RGMA: variants seen among roughly 807,000 people sequenced by gnomAD.
RGMA encodes the protein repulsive guidance molecule A.
Under a neutral mutation model 23.2 loss-of-function variants are expected in RGMA, and 10 were observed. The ratio of observed to expected loss-of-function variants is 0.43; its 90% confidence interval spans 0.27 to 0.73. The LOEUF is 0.73. Ranked by LOEUF, RGMA falls within the 30% of genes least tolerant of loss-of-function variation. The pLI is 0.20. For synonymous variants in RGMA, 308 were observed against 279.3 expected, an observed-to-expected ratio of 1.10 and a Z score of -1.03; for missense variants, 547 against 630.5, an observed-to-expected ratio of 0.87 and a Z score of 1.42.
At position 93,039,639 on chromosome 15, in the gene RGMA, T is replaced by TG. The variant is rs1260481565; in HGVS notation, c.*5358dup. The stretch of plus-strand genomic sequence containing the variant: ...CAACTCCCACTTACGAGTGAGAACA[T>TG]GCGGTGTTTGGTTTTCTGTTCTTGT... On this transcript the variant is annotated 3_prime_UTR_variant, in exon 4 of 4. Transcript: ENST00000329082. 1 of 151,704 alleles carries TG rather than the reference T, an allele frequency of 6.6e-6. No homozygotes were observed. Among genetic ancestry groups the TG allele is most frequent in the East Asian group, 1.9e-4 (1 of 5,146 alleles). 9.4% of individuals were successfully genotyped at this position (151,704 alleles called of 1,614,324 possible).
intron 2 of RGMA, among the ~76,000 whole-genome samples, chr15:93,063,478 C>G (rs1895038206): frequency 6.6e-6 from 1 of 152,224 alleles, no homozygotes; most frequent in South Asian, 2.1e-4. Flanking sequence ...TCGGGAGTCT[C>G]TGAGTTGAGA....
intron 2 of RGMA, chr15:93,066,143 C>G (rs1372448297): frequency 7.4e-7 from 1 of 1,354,380 alleles, no homozygotes; most frequent in South Asian, 1.2e-5. Context: ...GGCACCTCCC[C>G]GGGCCCAGTT....
At chr15:93,074,009 C>T (rs2141842850) in intron 1 of RGMA, 3 of 1,382,162 alleles carry the variant, frequency 2.2e-6, no homozygotes, top group Non-Finnish European at 2.8e-6. Flanking sequence ...AACTCTGTCG[C>T]TTATTTTTCT....
intron 2 of RGMA, chr15:93,065,763 G>T (rs983166702): frequency 2.6e-6 from 3 of 1,145,294 alleles, no homozygotes; most frequent in African/African-American, 1.5e-5. Flanking sequence ...TGGTCTCACC[G>T]TCCCCACCTT....
intron 1 of RGMA, among the ~76,000 whole-genome samples, chr15:93,087,478 A>AAAAAAC (rs1555451828): frequency 4.0e-5 from 6 of 151,126 alleles, no homozygotes; most frequent in Admixed American, 6.6e-5. Flanking sequence ...AAAAAAAAAA[A>AAAAAAC]AAAAAACCAC....
chr15:93,052,351 T>A lies in RGMA; in HGVS notation c.287A>T (p.Asp96Val). ...TRRTARTCRG[D>V]LAYHSAVHGI... Reference sequence around the variant, plus strand: ...ATGGACGGCCGAGTGGTAGGCCAGGTCACCCCGGCAGGTGCGGGCCGTCCG... The same window carrying A: ...ATGGACGGCCGAGTGGTAGGCCAGGACACCCCGGCAGGTGCGGGCCGTCCG... Residue 96 changes from aspartate (D) to valine (V), a missense_variant, in exon 3 of 4, where the codon GAC becomes GTC. Asp to Val is a radical substitution (Grantham distance 152). Transcript: ENST00000329082. 6.2e-7 allele frequency: 1 copy of A among 1,601,474 alleles called. No individual in the cohort carries two copies. The highest frequency in any genetic ancestry group is 8.5e-7 in the Non-Finnish European group (1 of 1,179,418).
rs762850745 is a variant in RGMA at position 93,044,972 on chromosome 15, C to T, written c.*26G>A. On this transcript the variant is annotated 3_prime_UTR_variant, in exon 4 of 4. Transcript: ENST00000329082. ...CATGGGGAAGCCGAGAGGACGGAGC[C>T]CGCGCCTCCCTCCACATCTACGCGT... 2 of 1,556,628 alleles carry T rather than the reference C, an allele frequency of 1.3e-6. No individual in the cohort carries two copies. Among genetic ancestry groups the T allele is most frequent in the Non-Finnish European group, 1.7e-6 (2 of 1,147,054 alleles).
rs1466821852 is a variant in RGMA at position 93,040,783 on chromosome 15, T to C, written c.*4215A>G. The C allele has an allele frequency of 6.6e-6, 1 of 152,134 alleles. No homozygotes were observed. Among genetic ancestry groups the C allele is most frequent in the Non-Finnish European group, 1.5e-5 (1 of 68,064 alleles). 9.4% of individuals were successfully genotyped at this position (152,134 alleles called of 1,614,324 possible). A position where few individuals can be genotyped will look rare whatever the true frequency, so the allele number is the denominator to read the frequency against. ...GCTGGGTAGACACCCAATAGAGTTA[T>C]CAAATGGATAAATAAATGCAATTGC... On this transcript the variant is annotated 3_prime_UTR_variant, in exon 4 of 4. Coordinates refer to ENST00000329082, the MANE Select transcript of RGMA (RefSeq NM_020211.3).
chr15:93,066,982 C>A (rs534810059), intron 2 of RGMA, among the ~76,000 whole-genome samples: 1 of 152,252 alleles, frequency 6.6e-6, no homozygotes, highest in Non-Finnish European at 1.5e-5. Context: ...ATGATCCTCA[C>A]GGGAATGGCC....
intron 1 of RGMA, among the ~76,000 whole-genome samples, chr15:93,079,192 G>A (rs1895519364): frequency 6.6e-6 from 1 of 152,228 alleles, no homozygotes; most frequent in Non-Finnish European, 1.5e-5. Context: ...ATCCAGAAAA[G>A]TACCTGTTTA....
chr15:93,047,075 A>G (rs1179046214), intron 3 of RGMA, among the ~76,000 whole-genome samples: 1 of 152,268 alleles, frequency 6.6e-6, no homozygotes, highest in Non-Finnish European at 1.5e-5. Flanking sequence ...CTAAGGTCAC[A>G]CAGCCAGCAA....
chr15:93,050,629 C>A (rs11633203), intron 3 of RGMA, among the ~76,000 whole-genome samples: 2 of 152,216 alleles, frequency 1.3e-5, no homozygotes, highest in Non-Finnish European at 2.9e-5. Context: ...ATAATGGGGG[C>A]AGCAGCCCAG....
At chr15:93,065,154 AT>A in intron 2 of RGMA, among the ~76,000 whole-genome samples, 1 of 151,406 alleles carries the variant, frequency 6.6e-6, no homozygotes, top group African/African-American at 2.4e-5. Context: ...ATTTTTTTGT[AT>A]TTTTTTTCCA....
intron 2 of RGMA, among the ~76,000 whole-genome samples, chr15:93,059,893 G>A (rs1013806641): frequency 2.6e-5 from 4 of 152,134 alleles, no homozygotes; most frequent in African/African-American, 4.8e-5. Flanking sequence ...TTTCTGATGC[G>A]AACGTCCATG....
chr15:93,054,794 TGAGGA>T (rs1448522309), intron 2 of RGMA, among the ~76,000 whole-genome samples: 1 of 152,190 alleles, frequency 6.6e-6, no homozygotes, highest in Non-Finnish European at 1.5e-5. Flanking sequence ...GGTGTGCTCC[TGAGGA>T]GAGGTCTCCC....
intron 1 of RGMA, 99 bp from the exon 2 acceptor site, chr15:93,073,130 TCCACCTCGGC>T: frequency 7.8e-7 from 1 of 1,287,522 alleles, no homozygotes; most frequent in Non-Finnish European, 9.9e-7. Context: ...GGAGGCTCCG[TCCACCTCGGC>T]CGCGGGCGCC....
At chr15:93,074,013 T>C in intron 1 of RGMA, 1 of 1,379,832 alleles carries the variant, frequency 7.2e-7, no homozygotes, top group African/African-American at 1.5e-5. Context: ...CTGTCGCTTA[T>C]TTTTCTGGGA....
chr15:93,054,037 C>G (rs2054971824), intron 2 of RGMA, among the ~76,000 whole-genome samples: 1 of 152,102 alleles, frequency 6.6e-6, no homozygotes, highest in Non-Finnish European at 1.5e-5. Flanking sequence ...CGAGACCAGC[C>G]TGGCCAACAT....
At position 93,038,569 on chromosome 15, in the gene RGMA, G is replaced by GTTTTTTTTTTTTTTGTTTTTT. The variant is rs2054685936; in HGVS notation, c.*6428_*6429insAAAAAACAAAAAAAAAAAAAA. 1 of 100,224 alleles carries GTTTTTTTTTTTTTTGTTTTTT rather than the reference G, an allele frequency of 1.0e-5. No homozygotes were observed. Among genetic ancestry groups the GTTTTTTTTTTTTTTGTTTTTT allele is most frequent in the Admixed American group, 1.1e-4 (1 of 9,210 alleles). The allele number at this position is 100,224 out of a possible 1,614,324, so 6.2% of individuals were successfully genotyped here. ...GCCTTAATGAACGAAACTGTTAGTTGTTTTTTTTTTTTTTTTGAGACGGTG... is the reference window on the plus strand; with the variant it reads ...GCCTTAATGAACGAAACTGTTAGTTGTTTTTTTTTTTTTTGTTTTTTTTTTTTTTTTTTTTTTGAGACGGTG... On this transcript the variant is annotated 3_prime_UTR_variant, in exon 4 of 4. Coordinates refer to ENST00000329082, the MANE Select transcript of RGMA (RefSeq NM_020211.3).
Sources: allele counts gnomAD v4.1 joint callset (sites outside exome capture counted in the v4.1 genomes callset), GRCh38; gene constraint gnomAD v4.1.1; transcripts MANE v1.5; gene names NCBI Gene and HGNC (gene_info 2026-07-23, HGNC 2026-07-21).